UTRN: variants seen among roughly 807,000 people sequenced by gnomAD.
The protein encoded by UTRN is utrophin.
In UTRN, 283 loss-of-function variants were observed where a neutral mutation model predicts 463.9. That is an observed-to-expected ratio of 0.61 (90% CI 0.55 to 0.67). The LOEUF (loss-of-function observed/expected upper bound fraction) is 0.67, where lower values mean the gene tolerates loss of function less well. Ranked by LOEUF, UTRN falls within the 30% of genes least tolerant of loss-of-function variation. The pLI is 0.00. For synonymous variants in UTRN, 1,442 were observed against 1,431.5 expected, an observed-to-expected ratio of 1.01 and a Z score of -0.17; for missense variants, 3,922 against 4,084.3, an observed-to-expected ratio of 0.96 and a Z score of 1.08.
intron 38 of UTRN, 116 bp from the exon 39 acceptor site, chr6:144,516,695 A>G: frequency 1.2e-6 from 1 of 819,216 alleles, no homozygotes; most frequent in Non-Finnish European, 1.7e-6. Context: ...GTTCAGGTTA[A>G]CATATCTTGA....
intron 19 of UTRN, among the ~76,000 whole-genome samples, chr6:144,454,296 A>G (rs1240529099): frequency 6.6e-6 from 1 of 152,124 alleles, no homozygotes; most frequent in Non-Finnish European, 1.5e-5. Context: ...TTAATGCATT[A>G]TATTTATTTA....
intron 52 of UTRN, among the ~76,000 whole-genome samples, chr6:144,692,356 A>G (rs369086879): frequency 2.0e-5 from 3 of 152,286 alleles, no homozygotes; most frequent in South Asian, 2.1e-4. Flanking sequence ...ATGAACATAC[A>G]TATGCATGTG....
intron 3 of UTRN, among the ~76,000 whole-genome samples, chr6:144,413,164 G>A (rs1784066882): frequency 6.6e-6 from 1 of 152,134 alleles, no homozygotes; most frequent in Non-Finnish European, 1.5e-5. Context: ...ACAGTCATGT[G>A]TCACATAAGG....
chr6:144,305,017 C>G (rs905608821), intron 2 of UTRN, among the ~76,000 whole-genome samples: 15 of 151,768 alleles, frequency 9.9e-5, no homozygotes, highest in Non-Finnish European at 1.9e-4. Flanking sequence ...CTACAATCTC[C>G]CCTTCCTGGG....
chr6:144,769,570 A>G (rs570081482), intron 58 of UTRN, among the ~76,000 whole-genome samples: 1 of 152,358 alleles, frequency 6.6e-6, no homozygotes, highest in East Asian at 1.9e-4. Flanking sequence ...TGACTGAGAA[A>G]TAGTGGTATT....
intron 42 of UTRN, 38 bp from the exon 43 acceptor site, chr6:144,533,047 T>G (rs777345750): frequency 3.4e-6 from 4 of 1,167,396 alleles, no homozygotes; most frequent in Admixed American, 1.8e-5. Flanking sequence ...ATCATTTACT[T>G]ATTAGTGAAA....
rs1787818876 is a variant in UTRN, at chr6:144,447,541, G to A, written c.1723-61G>A. The stretch of plus-strand genomic sequence containing the variant: ...AGATACATGTTTAAAATTTTTGGCT[G>A]GGGAACAGAAAGACAAAGTCCTGTT... On this transcript the variant is annotated intron_variant, in intron 15 of 74. Transcript: ENST00000367545. The A allele has an allele frequency of 3.2e-6, 5 of 1,576,916 alleles. No homozygotes were observed. The East Asian group carries it at 1.1e-4, about 35-fold the overall frequency.
chr6:144,620,478 A>T (rs1775244060), intron 51 of UTRN, among the ~76,000 whole-genome samples: 1 of 152,188 alleles, frequency 6.6e-6, no homozygotes, highest in Non-Finnish European at 1.5e-5. Context: ...AAGAAGAACC[A>T]GAACTCTTGA....
intron 51 of UTRN, among the ~76,000 whole-genome samples, chr6:144,652,175 C>T (rs1778887270): frequency 6.6e-6 from 1 of 152,178 alleles, no homozygotes; most frequent in South Asian, 2.1e-4. Context: ...TGTGGCTTAA[C>T]TTATCCCTAA....
At chr6:144,817,483 TTA>T (rs375848432) in intron 65 of UTRN, among the ~76,000 whole-genome samples, 1 of 152,170 alleles carries the variant, frequency 6.6e-6, no homozygotes, top group African/African-American at 2.4e-5. Flanking sequence ...ATTATATTTA[TTA>T]TGGTAAGTGG....
chr6:144,719,972 C>A (rs1209740767), intron 53 of UTRN, among the ~76,000 whole-genome samples: 1 of 152,078 alleles, frequency 6.6e-6, no homozygotes, highest in East Asian at 1.9e-4. Flanking sequence ...GGGGGGTGAC[C>A]CCAGGATTTA....
At chr6:144,579,787 A>G (rs1239911535) in intron 51 of UTRN, among the ~76,000 whole-genome samples, 1 of 152,208 alleles carries the variant, frequency 6.6e-6, no homozygotes, top group Non-Finnish European at 1.5e-5. Context: ...TTTGGCTGGT[A>G]GAAAGTAATA....
chr6:144,723,540 C>T (rs1228987042), intron 53 of UTRN, among the ~76,000 whole-genome samples: 2 of 152,092 alleles, frequency 1.3e-5, no homozygotes, highest in African/African-American at 2.4e-5. Context: ...ATGGAGGGGA[C>T]AGATGCATGG....
At chr6:144,464,466 A>T (rs1403016701) in intron 23 of UTRN, among the ~76,000 whole-genome samples, 1 of 151,232 alleles carries the variant, frequency 6.6e-6, no homozygotes, top group Non-Finnish European at 1.5e-5. Flanking sequence ...TTATGGAGAG[A>T]AATGTGTTTT....
intron 48 of UTRN, among the ~76,000 whole-genome samples, chr6:144,554,390 C>T (rs1585246535): frequency 1.3e-5 from 2 of 152,156 alleles, no homozygotes; most frequent in East Asian, 3.9e-4. Context: ...TTAAATAGAA[C>T]AGTATTTTCT....
At chr6:144,850,011 C>T (rs943011971) in intron 74 of UTRN, among the ~76,000 whole-genome samples, 1 of 152,212 alleles carries the variant, frequency 6.6e-6, no homozygotes, top group South Asian at 2.1e-4. Context: ...GAGATATCTT[C>T]CACACCTGCT....
chr6:144,616,337 T>C (rs1204471382), intron 51 of UTRN, among the ~76,000 whole-genome samples: 1 of 152,186 alleles, frequency 6.6e-6, no homozygotes, highest in Non-Finnish European at 1.5e-5. Flanking sequence ...AAAGACAATT[T>C]GTTGGATACC....
At chr6:144,635,325 A>G (rs1468796366) in intron 51 of UTRN, among the ~76,000 whole-genome samples, 5 of 150,986 alleles carry the variant, frequency 3.3e-5, no homozygotes, top group Admixed American at 3.3e-4. Context: ...TAATTTTCCT[A>G]TTATTTGTAG....
chr6:144,715,591 GC>G (rs1243340934), intron 53 of UTRN, among the ~76,000 whole-genome samples: 6 of 151,944 alleles, frequency 3.9e-5, no homozygotes, highest in Admixed American at 3.9e-4. Flanking sequence ...CACAGTGCCA[GC>G]CTGTCTGCTC....
Sources: allele counts gnomAD v4.1 joint callset (sites outside exome capture counted in the v4.1 genomes callset), GRCh38; gene constraint gnomAD v4.1.1; transcripts MANE v1.5; gene names NCBI Gene and HGNC (gene_info 2026-07-23, HGNC 2026-07-21).